NAV3: variants seen among roughly 807,000 people sequenced by gnomAD.
The protein encoded by NAV3 is neuron navigator 3.
Under a neutral mutation model 244.7 loss-of-function variants are expected in NAV3, and 87 were observed. That is an observed-to-expected ratio of 0.36 (90% CI 0.30 to 0.42). The LOEUF is 0.42. NAV3 is among the 20% of genes least tolerant of loss of function. NAV3 has a pLI of 1.00. For synonymous variants in NAV3, 1,126 were observed against 1,042.2 expected, an observed-to-expected ratio of 1.08 and a Z score of -1.55; for missense variants, 2,663 against 2,893.3, an observed-to-expected ratio of 0.92 and a Z score of 1.83.
chr12:77,729,039 A>G (rs1877009886), intron 2 of NAV3, among the ~76,000 whole-genome samples: 1 of 152,160 alleles, frequency 6.6e-6, no homozygotes, highest in African/African-American at 2.4e-5. Flanking sequence ...TTTGTATTGT[A>G]AGAATATAGT....
At chr12:77,674,005 A>G (rs1874099016) in intron 2 of NAV3, among the ~76,000 whole-genome samples, 1 of 151,968 alleles carries the variant, frequency 6.6e-6, no homozygotes, top group Non-Finnish European at 1.5e-5. Context: ...TTTAACTTTC[A>G]AACTAATATC....
chr12:77,899,092 T>C (rs1025903373), intron 1 of NAV3, among the ~76,000 whole-genome samples: 1 of 152,166 alleles, frequency 6.6e-6, no homozygotes, highest in African/African-American at 2.4e-5. Context: ...CTTGAACAGA[T>C]GAGGAGTTGC....
intron 2 of NAV3, among the ~76,000 whole-genome samples, chr12:77,670,015 G>C (rs1873893864): frequency 6.6e-6 from 1 of 152,020 alleles, no homozygotes; most frequent in African/African-American, 2.4e-5. Context: ...CAAAAAGCTG[G>C]TTCTTTCAAA....
At chr12:77,948,289 C>A (rs1359108572) in intron 3 of NAV3, among the ~76,000 whole-genome samples, 1 of 151,882 alleles carries the variant, frequency 6.6e-6, no homozygotes, top group African/African-American at 2.4e-5. Context: ...AATATTTATA[C>A]TTGTTTGTGT....
At chr12:77,887,472 A>T (rs1281087864) in intron 1 of NAV3, among the ~76,000 whole-genome samples, 1 of 152,138 alleles carries the variant, frequency 6.6e-6, no homozygotes, top group Non-Finnish European at 1.5e-5. Flanking sequence ...GTTAAGTTTT[A>T]TTGAAATTCA....
intron 8 of NAV3, among the ~76,000 whole-genome samples, chr12:78,019,690 G>A (rs996591217): frequency 6.6e-6 from 1 of 152,122 alleles, no homozygotes; most frequent in Admixed American, 6.6e-5. Context: ...GCTGTGGAAA[G>A]TGGGTAGAAG....
At chr12:78,206,491 T>A (rs555341128) in intron 39 of NAV3, among the ~76,000 whole-genome samples, 4 of 152,122 alleles carry the variant, frequency 2.6e-5, no homozygotes. Context: ...TAAGGAGAGG[T>A]GTTTATAAGA....
intron 2 of NAV3, among the ~76,000 whole-genome samples, chr12:77,633,694 A>C (rs528149021): frequency 6.6e-6 from 1 of 152,314 alleles, no homozygotes; most frequent in South Asian, 2.1e-4. Flanking sequence ...GCAATGAGTT[A>C]TTTTTAAAGT....
intron 2 of NAV3, among the ~76,000 whole-genome samples, chr12:77,735,585 C>G (rs1292624753): frequency 6.6e-6 from 1 of 152,020 alleles, no homozygotes; most frequent in Non-Finnish European, 1.5e-5. Flanking sequence ...GCTTTTCCTT[C>G]TTTAAATTTT....
rs953202067 is a variant in NAV3, at chr12:77,933,990, C to A, written c.244-6329C>A. ...AAAATATATAACTTCACCTTTTAAG[C>A]CTCTTTCTCTGTATAGTAGGAGAAA... On this transcript the variant is annotated intron_variant, in intron 1 of 39. Coordinates refer to ENST00000397909, the MANE Select transcript of NAV3 (RefSeq NM_001024383.2). 2.0e-5 allele frequency among the ~76,000 whole-genome samples: 3 copies of A among 152,212 alleles called. No individual in the cohort carries two copies. The East Asian group carries it at 5.8e-4, about 29-fold the overall frequency.
chr12:78,014,554 A>G (rs1466549692), intron 8 of NAV3, among the ~76,000 whole-genome samples: 1 of 152,156 alleles, frequency 6.6e-6, no homozygotes, highest in African/African-American at 2.4e-5. Context: ...ATGGATTCTC[A>G]GAAGAGATTT....
At chr12:78,107,984 A>G (rs1423350236) in intron 12 of NAV3, among the ~76,000 whole-genome samples, 2 of 152,152 alleles carry the variant, frequency 1.3e-5, no homozygotes, top group African/African-American at 4.8e-5. Context: ...TTGAATGTAA[A>G]TGAATTACAT....
At chr12:78,079,798 G>A (rs1428777962) in intron 12 of NAV3, among the ~76,000 whole-genome samples, 1 of 152,140 alleles carries the variant, frequency 6.6e-6, no homozygotes, top group Admixed American at 6.5e-5. Context: ...CCTCTAAGTG[G>A]AGTTTCTACT....
At chr12:77,847,150 A>C (rs1183464807) in intron 1 of NAV3, among the ~76,000 whole-genome samples, 2 of 152,196 alleles carry the variant, frequency 1.3e-5, no homozygotes, top group South Asian at 4.1e-4. Flanking sequence ...TCTAGGAGAA[A>C]GTCCACACTT....
chr12:78,113,592 G>A (rs551027807), intron 12 of NAV3, among the ~76,000 whole-genome samples: 1 of 152,256 alleles, frequency 6.6e-6, no homozygotes, highest in Non-Finnish European at 1.5e-5. Flanking sequence ...GAGCAGCTGG[G>A]TTGCAGGGCA....
At chr12:78,159,316 A>T in intron 23 of NAV3, 30 bp downstream of exon 23, 1 of 1,567,202 alleles carries the variant, frequency 6.4e-7, no homozygotes, top group East Asian at 2.2e-5. Flanking sequence ...CTGGAGACTG[A>T]AAGAAGACAG....
At chr12:77,905,804 TTAC>T (rs911552665) in intron 1 of NAV3, among the ~76,000 whole-genome samples, 66 of 152,254 alleles carry the variant, frequency 4.3e-4, no homozygotes, top group South Asian at 2.1e-4. Flanking sequence ...AGCACAAAAA[TTAC>T]TACAATAATT....
At chr12:77,781,321 C>T (rs1870649602) in intron 2 of NAV3, among the ~76,000 whole-genome samples, 1 of 152,110 alleles carries the variant, frequency 6.6e-6, no homozygotes, top group Admixed American at 6.5e-5. Context: ...CTGGATAAAA[C>T]ACTCTTTAAG....
intron 13 of NAV3, among the ~76,000 whole-genome samples, chr12:78,117,294 G>C (rs376168604): frequency 2.7e-4 from 2 of 7,490 alleles, no homozygotes; most frequent in East Asian, 1.8e-3. Context: ...TTAATATATA[G>C]AGTATATAAA....
Sources: gnomAD v4.1 joint callset for allele counts (sites outside exome capture counted in the v4.1 genomes callset) on GRCh38, gnomAD v4.1.1 for gene constraint, MANE v1.5 for transcripts, NCBI Gene and HGNC (gene_info 2026-07-23, HGNC 2026-07-21) for gene names.